The following MYZAP variants were observed in gnomAD, a reference collection of about 807,000 sequenced individuals.
MYZAP encodes the protein GRINL1A complex locus upstream.
MYZAP carries 66 observed loss-of-function variants against 69.4 expected under a neutral mutation model. The observed-to-expected ratio is 0.95, with a 90% CI of 0.78 to 1.17. The LOEUF (loss-of-function observed/expected upper bound fraction) is 1.17, where lower values mean the gene tolerates loss of function less well. Among genes scored for constraint, MYZAP ranks in the 50% most tolerant of loss-of-function variants. The pLI is 0.00. For synonymous variants in MYZAP, 256 were observed against 205.9 expected (o/e 1.24, Z -2.09); for missense variants, 611 against 556.2 (o/e 1.10, Z -0.99).
intron 11 of MYZAP, among the ~76,000 whole-genome samples, chr15:57,664,030 A>T (rs2038443832): frequency 6.6e-6 from 1 of 151,924 alleles, no homozygotes; most frequent in Non-Finnish European, 1.5e-5. Context: ...AATACTAAAT[A>T]TCATGGGTTT....
At position 57,661,656 on chromosome 15, in the gene MYZAP, G is replaced by T. The variant is rs370796875; in HGVS notation, c.1203+123G>T. ...CCCGGCCTTATAAAATTGATTGAGGGTTAAGTGCCAGCCTTGAAAATGAGG... is the reference window on the plus strand; with the variant it reads ...CCCGGCCTTATAAAATTGATTGAGGTTTAAGTGCCAGCCTTGAAAATGAGG... On this transcript the variant is annotated intron_variant, in intron 11 of 12. Transcript: ENST00000267853. The T allele has an allele frequency of 9.0e-5, 75 of 829,878 alleles. 2 individuals are homozygous for T. The East Asian group carries it at 1.5e-3, about 17-fold the overall frequency. 51.4% of individuals were successfully genotyped at this position (829,878 alleles called of 1,614,324 possible).
At chr15:57,638,277 C>G (rs2036932843) in intron 9 of MYZAP, among the ~76,000 whole-genome samples, 1 of 152,104 alleles carries the variant, frequency 6.6e-6, no homozygotes, top group Non-Finnish European at 1.5e-5. Flanking sequence ...TCAGGGGTCT[C>G]TAGTGAAGGA....
intron 12 of MYZAP, 51 bp from the exon 13 acceptor site, chr15:57,684,351 G>C (rs2039588708): frequency 8.4e-7 from 1 of 1,192,814 alleles, no homozygotes; most frequent in Non-Finnish European, 1.2e-6. Flanking sequence ...GAAGCATATG[G>C]GGGGTTTTGT....
At chr15:57,623,672 G>T (rs1242642367) in intron 4 of MYZAP, among the ~76,000 whole-genome samples, 1 of 151,750 alleles carries the variant, frequency 6.6e-6, no homozygotes, top group African/African-American at 2.4e-5. Flanking sequence ...GGTGGAGGTT[G>T]CAGTGAGCCA....
At chr15:57,604,895 A>G (rs962449204) in intron 2 of MYZAP, among the ~76,000 whole-genome samples, 2 of 152,160 alleles carry the variant, frequency 1.3e-5, no homozygotes, top group African/African-American at 2.4e-5. Context: ...GAAGATAAGT[A>G]TGTCCTTGCC....
At chr15:57,646,755 A>G (rs1450277030) in intron 10 of MYZAP, 1 of 985,204 alleles carries the variant, frequency 1.0e-6, no homozygotes, top group East Asian at 1.1e-4. Flanking sequence ...TCATCTTAGG[A>G]CTCTTCTAAG....
intron 10 of MYZAP, among the ~76,000 whole-genome samples, chr15:57,642,797 T>G (rs2037236019): frequency 7.2e-6 from 1 of 138,142 alleles, no homozygotes; most frequent in African/African-American, 2.8e-5. Context: ...AAAAAGTAAC[T>G]GGCCCAGGTT....
At chr15:57,595,614 T>TA (rs1323488622) in intron 1 of MYZAP, among the ~76,000 whole-genome samples, 3 of 150,754 alleles carry the variant, frequency 2.0e-5, no homozygotes, top group African/African-American at 7.3e-5. Context: ...GCACAATACT[T>TA]ACTGCCGAGT....
chr15:57,675,446 G>T (rs2039070990), intron 12 of MYZAP, among the ~76,000 whole-genome samples: 1 of 152,210 alleles, frequency 6.6e-6, no homozygotes, highest in Non-Finnish European at 1.5e-5. Flanking sequence ...TCTGGAGGGA[G>T]AGACAGGTAT....
At chr15:57,678,709 A>G (rs2039268534) in intron 12 of MYZAP, among the ~76,000 whole-genome samples, 1 of 152,204 alleles carries the variant, frequency 6.6e-6, no homozygotes, top group African/African-American at 2.4e-5. Flanking sequence ...TCTGTCAGCT[A>G]AGACCTGAGA....
chr15:57,602,449 T>A lies in MYZAP; in HGVS notation c.76-1820T>A, dbSNP rs550237262. On this transcript the variant is annotated intron_variant, in intron 1 of 12. Coordinates refer to ENST00000267853, the MANE Select transcript of MYZAP (RefSeq NM_001018100.5). ...TCTCTCCCCAAATTTCCCACTCTTA[T>A]AAGGACACCAGTCATTTTGATTTAG... 4.6e-5 allele frequency among the ~76,000 whole-genome samples: 7 copies of A among 152,302 alleles called. No individual in the cohort carries two copies. In the East Asian group the frequency reaches 5.8e-4, roughly 13 times the overall value.
chr15:57,623,293 G>A (rs1359196756), intron 4 of MYZAP, among the ~76,000 whole-genome samples: 1 of 152,162 alleles, frequency 6.6e-6, no homozygotes, highest in Middle Eastern at 3.2e-3. Flanking sequence ...AATTACAGAT[G>A]TTTAGATCCT....
intron 1 of MYZAP, among the ~76,000 whole-genome samples, chr15:57,594,688 C>A (rs914289714): frequency 1.2e-4 from 18 of 152,246 alleles, no homozygotes; most frequent in African/African-American, 3.6e-4. Context: ...CGACAAAAAT[C>A]ATCAAATGAT....
intron 6 of MYZAP, among the ~76,000 whole-genome samples, chr15:57,630,943 C>A (rs2036464591): frequency 1.3e-5 from 2 of 152,042 alleles, no homozygotes; most frequent in African/African-American, 4.8e-5. Flanking sequence ...CAGGGGTAGG[C>A]TGGGTGGGGA....
At chr15:57,666,291 T>G (rs1208670154) in intron 11 of MYZAP, among the ~76,000 whole-genome samples, 2 of 152,216 alleles carry the variant, frequency 1.3e-5, no homozygotes, top group African/African-American at 4.8e-5. Flanking sequence ...GAAATCGTAT[T>G]AGGATCCTAG....
rs2140560567 is a variant in MYZAP, at chr15:57,663,983, A to G, written c.1203+2450A>G. Reference sequence around the variant, plus strand: ...ATACAAAAAAAGTTGCATAATAACAAGATTTAATAATACATTTAGACTTAA... The same window carrying G: ...ATACAAAAAAAGTTGCATAATAACAGGATTTAATAATACATTTAGACTTAA... On this transcript the variant is annotated intron_variant, in intron 11 of 12. Transcript: ENST00000267853. Among the ~76,000 whole-genome samples, 4 of 152,326 alleles carry G rather than the reference A, an allele frequency of 2.6e-5. 1 individual carries two copies. In the South Asian group the frequency reaches 8.3e-4, roughly 32 times the overall value.
At chr15:57,683,976 T>G (rs965847545) in intron 12 of MYZAP, among the ~76,000 whole-genome samples, 7 of 152,178 alleles carry the variant, frequency 4.6e-5, no homozygotes, top group African/African-American at 1.7e-4. Flanking sequence ...GTATTTTTAG[T>G]AGAGACAGAG....
intron 11 of MYZAP, among the ~76,000 whole-genome samples, chr15:57,667,256 G>A (rs900372556): frequency 2.0e-5 from 3 of 152,218 alleles, no homozygotes; most frequent in African/African-American, 7.2e-5. Flanking sequence ...CACACATTCA[G>A]TGTATGTGCT....
At chr15:57,668,892 A>ATT (rs1424393924) in intron 11 of MYZAP, among the ~76,000 whole-genome samples, 7 of 58,754 alleles carry the variant, frequency 1.2e-4, no homozygotes, top group South Asian at 4.8e-4. Context: ...ATATATATAT[A>ATT]TATTTTTTTT....
Sources: allele counts gnomAD v4.1 joint callset (sites outside exome capture counted in the v4.1 genomes callset), GRCh38; gene constraint gnomAD v4.1.1; transcripts MANE v1.5; gene names NCBI Gene and HGNC (gene_info 2026-07-23, HGNC 2026-07-21).